FOSL2: variants seen among roughly 807,000 people sequenced by gnomAD.
The protein encoded by FOSL2 is FOS like 2, AP-1 transcription factor subunit, also known as fos-related antigen 2.
Under a neutral mutation model 27.7 loss-of-function variants are expected in FOSL2, and 3 were observed. The observed-to-expected ratio is 0.11, with a 90% confidence interval of 0.05 to 0.28. The LOEUF is 0.28. Among genes scored for constraint, FOSL2 ranks in the 10% least tolerant of loss-of-function variants. The pLI, the probability that FOSL2 is intolerant of heterozygous loss-of-function variation, is 1.00. For synonymous variants in FOSL2, 179 were observed against 190.1 expected (o/e 0.94, Z 0.48); for missense variants, 333 against 445.1 (o/e 0.75, Z 2.27).
chr2:28,398,879 G>A (rs1663915018), intron 1 of FOSL2, among the ~76,000 whole-genome samples: 1 of 152,196 alleles, frequency 6.6e-6, no homozygotes, highest in African/African-American at 2.4e-5. Flanking sequence ...CTTATGGAAG[G>A]CTTTGGGGAA....
intron 1 of FOSL2, among the ~76,000 whole-genome samples, chr2:28,396,444 C>T (rs1663836897): frequency 6.6e-6 from 1 of 150,532 alleles, no homozygotes; most frequent in Non-Finnish European, 1.5e-5. Context: ...GCACACACCT[C>T]CCCTTCTTGG....
chr2:28,412,093 T>C lies in FOSL2; in HGVS notation c.626T>C (p.Met209Thr). The C allele has an allele frequency of 1.2e-6, 2 of 1,604,472 alleles. No individual in the cohort carries two copies. The highest frequency in any genetic ancestry group is 1.7e-6 in the Non-Finnish European group (2 of 1,179,240). The change falls in exon 4 of 4, where the codon ATG becomes ACG. Residue 209 changes from methionine (M) to threonine (T), a missense_variant. Physicochemically the swap from Met to Thr is moderately conservative, Grantham distance 81. This residue lies in a region of FOSL2 where 136 missense variants were observed against 123.7 expected (regional missense o/e 1.10). Transcript: ENST00000264716. This position sits in a 1 kb window ranked among gnomAD's most constrained non-coding sequence, Gnocchi z 7.1. ...RSPPAPGLQP[M>T]RSGGGSVGAV... is the part of the protein sequence containing the mutation. ...CCCCCAGCCCCTGGGCTGCAGCCCATGCGCAGTGGGGGTGGCTCGGTGGGC... is the reference window on the plus strand; with the variant it reads ...CCCCCAGCCCCTGGGCTGCAGCCCACGCGCAGTGGGGGTGGCTCGGTGGGC...
chr2:28,414,429 G>C lies in FOSL2; in HGVS notation c.*1981G>C, dbSNP rs569232149. 1 of 152,126 alleles carries C rather than the reference G, an allele frequency of 6.6e-6. No individual in the cohort carries two copies. Among genetic ancestry groups the C allele is most frequent in the Non-Finnish European group, 1.5e-5 (1 of 68,026 alleles). The allele number at this position is 152,126 out of a possible 1,614,324, so 9.4% of individuals were successfully genotyped here. Reference sequence around the variant, plus strand: ...CCCTTGGCTGTGATGCCCCTCTCCCGATTTCCCAGGGGCTCTGGGAGGGAC... The same window carrying C: ...CCCTTGGCTGTGATGCCCCTCTCCCCATTTCCCAGGGGCTCTGGGAGGGAC... On this transcript the variant is annotated 3_prime_UTR_variant, in exon 4 of 4. Coordinates refer to ENST00000264716, the MANE Select transcript of FOSL2 (RefSeq NM_005253.4).
intron 1 of FOSL2, chr2:28,396,811 C>CACACACAAACAA: frequency 6.6e-6 from 1 of 151,034 alleles, no homozygotes; most frequent in Non-Finnish European, 1.5e-5. Flanking sequence ...CACACACACA[C>CACACACAAACAA]ACACACACAC....
Position 28,413,420 on chromosome 2 carries a change from A to G in FOSL2, c.*972A>G. 5.0e-6 allele frequency: 2 copies of G among 398,470 alleles called. No homozygotes were observed. Among genetic ancestry groups the G allele is most frequent in the Non-Finnish European group, 8.8e-6 (2 of 226,198 alleles). 24.7% of individuals were successfully genotyped at this position (398,470 alleles called of 1,614,324 possible). ...CCTAGGAGCCACACATTATACTCCA[A>G]GTCCCTGCCGGGCTCCGCCTTTCCC... On this transcript the variant is annotated 3_prime_UTR_variant, in exon 4 of 4. Transcript: ENST00000264716.
chr2:28,405,820 T>C (rs2148090139), intron 2 of FOSL2, among the ~76,000 whole-genome samples: 1 of 152,332 alleles, frequency 6.6e-6, no homozygotes, highest in South Asian at 2.1e-4. Flanking sequence ...CTCCTCACAG[T>C]TGCTTTCTAT....
chr2:28,407,166 C>A (rs1422117543), intron 2 of FOSL2, among the ~76,000 whole-genome samples: 2 of 152,216 alleles, frequency 1.3e-5, no homozygotes, highest in African/African-American at 2.4e-5. Context: ...TTCTTTTCTG[C>A]CTCTCATTAG....
At position 28,404,808 on chromosome 2, in the gene FOSL2, G is replaced by C. The variant is rs1050492010; in HGVS notation, c.354+450G>C. Among the ~76,000 whole-genome samples, 2 of 152,176 alleles carry C rather than the reference G, an allele frequency of 1.3e-5. No individual in the cohort carries two copies. The highest frequency in any genetic ancestry group is 4.8e-5 in the African/African-American group (2 of 41,436). On this transcript the variant is annotated intron_variant, in intron 2 of 3. Transcript: ENST00000264716. The surrounding 1 kb of genome is among the most constrained non-coding windows in gnomAD (Gnocchi z 4.7). ...GGCCAGGCACCCAGCAGACCTACGGGGTCAAGCTCTGGGTCGGTACTGCCC... is the reference window on the plus strand; with the variant it reads ...GGCCAGGCACCCAGCAGACCTACGGCGTCAAGCTCTGGGTCGGTACTGCCC...
chr2:28,399,660 C>T (rs917235314), intron 1 of FOSL2, among the ~76,000 whole-genome samples: 8 of 152,078 alleles, frequency 5.3e-5, no homozygotes, highest in Admixed American at 2.6e-4. Flanking sequence ...AGTGAGAGCC[C>T]GTCTCCTCGG....
chr2:28,410,909 G>C (rs1004901050), intron 3 of FOSL2, among the ~76,000 whole-genome samples: 1 of 152,216 alleles, frequency 6.6e-6, no homozygotes, highest in Non-Finnish European at 1.5e-5. Flanking sequence ...AGCACTTTGG[G>C]AGGCTGAGGC....
rs1367182265 is a variant in FOSL2, at chr2:28,393,882, C to T, written c.102+60C>T. On this transcript the variant is annotated intron_variant, in intron 1 of 3. Coordinates refer to ENST00000264716, the MANE Select transcript of FOSL2 (RefSeq NM_005253.4). The surrounding 1 kb of genome is among the most constrained non-coding windows in gnomAD (Gnocchi z 4.6). ...GCGGACCCCTGCCCTCTTCTCGCCG[C>T]CACTGCCTCTTTTGCTTTCTTTTCT... 10 of 1,096,222 alleles carry T rather than the reference C, an allele frequency of 9.1e-6. No homozygotes were observed. The African/African-American group carries it at 1.5e-4, about 16-fold the overall frequency. The allele number at this position is 1,096,222 out of a possible 1,614,324, so 67.9% of individuals were successfully genotyped here.
intron 1 of FOSL2, among the ~76,000 whole-genome samples, chr2:28,394,102 C>G (rs1243812594): frequency 6.7e-6 from 1 of 148,958 alleles, no homozygotes; most frequent in African/African-American, 2.5e-5. Context: ...AGCCTGTTAC[C>G]TCCTTCCAAG....
chr2:28,404,939 T>C lies in FOSL2; in HGVS notation c.354+581T>C, dbSNP rs142929185. Reference sequence around the variant, plus strand: ...CAGAGGTGCAGTAACTCTGGGGCCTTAGGAGTCTGTTCAGTGGCATGGACA... The same window carrying C: ...CAGAGGTGCAGTAACTCTGGGGCCTCAGGAGTCTGTTCAGTGGCATGGACA... On this transcript the variant is annotated intron_variant, in intron 2 of 3. Transcript: ENST00000264716. This position sits in a 1 kb window ranked among gnomAD's most constrained non-coding sequence, Gnocchi z 4.7. Among the ~76,000 whole-genome samples, 1 of 152,160 alleles carries C rather than the reference T, an allele frequency of 6.6e-6. No homozygotes were observed. Among genetic ancestry groups the C allele is most frequent in the East Asian group, 1.9e-4 (1 of 5,168 alleles).
chr2:28,401,487 C>G (rs1165736339), intron 1 of FOSL2, among the ~76,000 whole-genome samples: 1 of 152,084 alleles, frequency 6.6e-6, no homozygotes, highest in African/African-American at 2.4e-5. Context: ...GTCCTTGAGC[C>G]CAGGGCAAGG....
intron 2 of FOSL2, among the ~76,000 whole-genome samples, chr2:28,405,614 C>T (rs986779262): frequency 6.6e-6 from 1 of 152,162 alleles, no homozygotes; most frequent in African/African-American, 2.4e-5. Context: ...ATCACCACAC[C>T]AAGAAACTGG....
chr2:28,396,446 C>A (rs906807506), intron 1 of FOSL2, among the ~76,000 whole-genome samples: 8 of 150,188 alleles, frequency 5.3e-5, no homozygotes, highest in African/African-American at 2.0e-4. Context: ...ACACACCTCC[C>A]CTTCTTGGAT....
chr2:28,397,900 C>T (rs1242129595), intron 1 of FOSL2, among the ~76,000 whole-genome samples: 1 of 152,178 alleles, frequency 6.6e-6, no homozygotes, highest in Non-Finnish European at 1.5e-5. Context: ...TTGGAAATTA[C>T]CAAAAGCCTC....
At position 28,393,633 on chromosome 2, in the gene FOSL2, G is replaced by A; in HGVS notation, c.-88G>A. The A allele has an allele frequency of 2.0e-6, 2 of 996,720 alleles. No individual in the cohort carries two copies. The highest frequency in any genetic ancestry group is 1.5e-6 in the Non-Finnish European group (1 of 671,390). The allele number at this position is 996,720 out of a possible 1,614,324, so 61.7% of individuals were successfully genotyped here. A position where few individuals can be genotyped will look rare whatever the true frequency, so the allele number is the denominator to read the frequency against. On this transcript the variant is annotated 5_prime_UTR_variant, in exon 1 of 4. Transcript: ENST00000264716. The surrounding 1 kb of genome is among the most constrained non-coding windows in gnomAD (Gnocchi z 4.6). ...AGAGCCCGCGGCGCGGCCGGCGGACGAACGAGCGCGCAGCAGCCGGTGCGC... is the reference window on the plus strand; with the variant it reads ...AGAGCCCGCGGCGCGGCCGGCGGACAAACGAGCGCGCAGCAGCCGGTGCGC...
intron 2 of FOSL2, among the ~76,000 whole-genome samples, chr2:28,406,849 G>T (rs1337799144): frequency 1.3e-5 from 2 of 152,230 alleles, no homozygotes; most frequent in Non-Finnish European, 2.9e-5. Context: ...TGCCTCCGGA[G>T]CCGGCCTGGT....
Sources: gnomAD v4.1 joint callset for allele counts (sites outside exome capture counted in the v4.1 genomes callset) on GRCh38, gnomAD v4.1.1 for gene constraint, gnomAD v4.1.1 regional missense constraint, Gnocchi (gnomAD v3.1) non-coding constraint, MANE v1.5 for transcripts, NCBI Gene and HGNC (gene_info 2026-07-23, HGNC 2026-07-21) for gene names.